EI24: variants seen among roughly 807,000 people sequenced by gnomAD.
The protein encoded by EI24 is EI24 autophagy associated transmembrane protein.
Under a neutral mutation model 48.6 loss-of-function variants are expected in EI24, and 21 were observed. The observed-to-expected ratio is 0.43, with a 90% CI of 0.31 to 0.62. The LOEUF (loss-of-function observed/expected upper bound fraction) is 0.62, where lower values mean the gene tolerates loss of function less well. Among genes scored for constraint, EI24 ranks in the 20% least tolerant of loss-of-function variants. The probability of loss-of-function intolerance (pLI) is 0.10; values close to 1 mark genes in which losing one functional copy is unlikely to be tolerated. For missense variants in EI24, 280 were observed against 410.5 expected (o/e 0.68, Z 2.75); for synonymous variants, 114 against 145.5 (o/e 0.78, Z 1.56).
chr11:125,579,489 A>G (rs1938899679), intron 7 of EI24, among the ~76,000 whole-genome samples: 1 of 151,982 alleles, frequency 6.6e-6, no homozygotes, highest in Admixed American at 6.6e-5. Flanking sequence ...AACATGGTGA[A>G]ACCCCATCTC....
rs747081882 is a variant in EI24 at position 125,583,535 on chromosome 11, G to A, written c.875G>A (p.Arg292His). ...TTGCCTTTTAGTCTCTTCCAGTTGC[G>A]CCTCTTCTCCTTGGTGGTCTTCTTA... ...TPGKAYLFQL[R>H]LFSLVVFLSN... The change falls in exon 11 of 11, where the codon CGC (arginine) becomes CAC (histidine). Residue 292 changes from arginine to histidine, a missense_variant. Physicochemically the swap from Arg to His is conservative, Grantham distance 29. Coordinates refer to ENST00000278903, the MANE Select transcript of EI24 (RefSeq NM_004879.5). 1.2e-5 allele frequency: 19 copies of A among 1,592,788 alleles called. No individual in the cohort carries two copies. Among genetic ancestry groups the A allele is most frequent in the Middle Eastern group, 2.1e-4 (1 of 4,712 alleles).
chr11:125,577,119 G>C (rs1217992242), intron 4 of EI24, among the ~76,000 whole-genome samples: 1 of 151,926 alleles, frequency 6.6e-6, no homozygotes, highest in East Asian at 1.9e-4. Context: ...TGAGATGGAG[G>C]CTCGCTCTGT....
chr11:125,578,807 A>AG lies in EI24; in HGVS notation c.442-140dup, dbSNP rs1938864561. 3 of 982,576 alleles carry AG rather than the reference A, an allele frequency of 3.1e-6. No homozygotes were observed. In the African/African-American group the frequency reaches 4.9e-5, roughly 16 times the overall value. The allele number at this position is 982,576 out of a possible 1,614,324, so 60.9% of individuals were successfully genotyped here. On this transcript the variant is annotated intron_variant, in intron 6 of 10. Coordinates refer to ENST00000278903, the MANE Select transcript of EI24 (RefSeq NM_004879.5). Reference sequence around the variant, plus strand: ...TAGCCTCCTGAGTAGCTGGGACTATAGGCACATGCCATCGTGCCCAGCTTA... The same window carrying AG: ...TAGCCTCCTGAGTAGCTGGGACTATAGGGCACATGCCATCGTGCCCAGCTTA...
At chr11:125,577,280 C>T (rs535640013) in intron 4 of EI24, among the ~76,000 whole-genome samples, 38 of 152,222 alleles carry the variant, frequency 2.5e-4, no homozygotes, top group African/African-American at 8.2e-4. Flanking sequence ...TTAGTAGAGA[C>T]GGGGTTTCAC....
chr11:125,580,147 C>T lies in EI24; in HGVS notation c.616C>T (p.Leu206=). 1 of 1,613,928 alleles carries T rather than the reference C, an allele frequency of 6.2e-7. No individual in the cohort carries two copies. The highest frequency in any genetic ancestry group is 8.5e-7 in the Non-Finnish European group (1 of 1,179,812). ...TCTTGTCGGTCAGCTGGTTAGTCTC[C>T]TGCATATGTCCCTTCTCTACTCACT... The part of the protein sequence containing the change: ...IHLVGQLVSL[L]HMSLLYSLYC... Residue 206 remains leucine (L), a synonymous_variant, in exon 8 of 11, where the codon CTG becomes TTG. Transcript: ENST00000278903.
chr11:125,583,459 C>T, intron 10 of EI24, 62 bp from the exon 11 acceptor site: 3 of 1,380,164 alleles, frequency 2.2e-6, no homozygotes, highest in Non-Finnish European at 2.0e-6. Flanking sequence ...GTCAAGTTGT[C>T]AAACAACGGA....
At chr11:125,575,052 C>A (rs1938681811) in intron 2 of EI24, among the ~76,000 whole-genome samples, 1 of 151,994 alleles carries the variant, frequency 6.6e-6, no homozygotes, top group Non-Finnish European at 1.5e-5. Flanking sequence ...ATGGTGAGAT[C>A]CCCATCGCTA....
chr11:125,577,625 C>A, intron 5 of EI24, 55 bp downstream of exon 5: 1 of 1,388,830 alleles, frequency 7.2e-7, no homozygotes, highest in Non-Finnish European at 1.0e-6. Flanking sequence ...GATGATGTTT[C>A]AGTCTCCCTC....
At chr11:125,570,053 C>T (rs1210463357) in intron 1 of EI24, 1 of 152,370 alleles carries the variant, frequency 6.6e-6, no homozygotes, top group Admixed American at 6.5e-5. Flanking sequence ...TCAGCAGATG[C>T]TTATTAGCTT....
Position 125,576,019 on chromosome 11 carries a change from G to C in EI24, c.189-236G>C, listed in dbSNP as rs1938735701. On this transcript the variant is annotated intron_variant, in intron 3 of 10. Transcript: ENST00000278903. The stretch of plus-strand genomic sequence containing the variant: ...TTGGCCAGGCTGGTCTCGAACTCCT[G>C]ACCTCAGTTGATCGCCTACCACGGC... 13 of 509,040 alleles carry C rather than the reference G, an allele frequency of 2.6e-5. No homozygotes were observed. The South Asian group carries it at 2.8e-4, about 11-fold the overall frequency. 31.5% of individuals were successfully genotyped at this position (509,040 alleles called of 1,614,324 possible).
At position 125,578,158 on chromosome 11, in the gene EI24, T is replaced by G; in HGVS notation, c.342T>G (p.Val114=). The stretch of plus-strand genomic sequence containing the variant: ...GTGACCCATCACTACATGGAGATGT[T>G]TGGTCGTGGCTGGAATTCTTCCTCA... ...IIGDPSLHGD[V]WSWLEFFLTS... is the part of the protein sequence containing the mutation. Residue 114 remains valine, a synonymous_variant, in exon 6 of 11, where the codon GTT becomes GTG. Transcript: ENST00000278903. 2 of 1,613,656 alleles carry G rather than the reference T, an allele frequency of 1.2e-6. No individual in the cohort carries two copies. The highest frequency in any genetic ancestry group is 3.3e-5 in the Admixed American group (2 of 60,026).
Position 125,584,118 on chromosome 11 carries a change from G to A in EI24, c.*435G>A, listed in dbSNP as rs1939126932. The A allele has an allele frequency of 5.3e-6, 1 of 188,710 alleles. No individual in the cohort carries two copies. The highest frequency in any genetic ancestry group is 2.4e-5 in the African/African-American group (1 of 41,394). The allele number at this position is 188,710 out of a possible 1,614,324, so 11.7% of individuals were successfully genotyped here. On this transcript the variant is annotated 3_prime_UTR_variant, in exon 11 of 11. Transcript: ENST00000278903. ...TGTTTTTCTGTGAAACACATACATT[G>A]GATATGGGAGGTAAAGGAGTGTCCC...
rs1371935546 is a variant in EI24 at position 125,580,084 on chromosome 11, G to A, written c.562-9G>A. 1 of 1,605,304 alleles carries A rather than the reference G, an allele frequency of 6.2e-7. No individual in the cohort carries two copies. Among genetic ancestry groups the A allele is most frequent in the East Asian group, 2.2e-5 (1 of 44,836 alleles). ...TTTGGGATTAAGATTTTCCATATTT[G>A]TTCTTCAGGGAATGTTTGTGAGTCT... On this transcript the variant is annotated splice_polypyrimidine_tract_variant and intron_variant, in intron 7 of 10. Transcript: ENST00000278903.
intron 4 of EI24, among the ~76,000 whole-genome samples, chr11:125,577,215 C>A (rs1173096021): frequency 6.6e-6 from 1 of 152,184 alleles, no homozygotes; most frequent in African/African-American, 2.4e-5. Flanking sequence ...CCTCAGCCTT[C>A]CCAGTAGCTG....
intron 6 of EI24, among the ~76,000 whole-genome samples, chr11:125,578,459 G>A (rs1455448300): frequency 6.8e-6 from 1 of 147,408 alleles, no homozygotes; most frequent in African/African-American, 2.5e-5. Context: ...GGTGTCTGGT[G>A]CCTTTTCTTT....
chr11:125,575,676 G>A (rs184893245), intron 3 of EI24: 1 of 263,486 alleles, frequency 3.8e-6, no homozygotes, highest in Admixed American at 4.6e-5. Context: ...GTGGATTTAT[G>A]TATTAATAGA....
intron 1 of EI24, among the ~76,000 whole-genome samples, chr11:125,571,647 T>G (rs1938536462): frequency 6.6e-6 from 1 of 152,092 alleles, no homozygotes; most frequent in South Asian, 2.1e-4. Flanking sequence ...GAGGCTGAGA[T>G]GGATGGATCA....
intron 6 of EI24, 107 bp downstream of exon 6, chr11:125,578,364 G>C: frequency 2.1e-6 from 3 of 1,455,900 alleles, no homozygotes; most frequent in Non-Finnish European, 2.8e-6. Flanking sequence ...CTGTTTTTCA[G>C]CCTTAATGTT....
chr11:125,582,483 T>G, intron 10 of EI24, 63 bp downstream of exon 10: 1 of 1,251,644 alleles, frequency 8.0e-7, no homozygotes, highest in Non-Finnish European at 1.1e-6. Context: ...ACACCAGTTA[T>G]GTCAGTGAGG....
Sources: allele counts gnomAD v4.1 joint callset (sites outside exome capture counted in the v4.1 genomes callset), GRCh38; gene constraint gnomAD v4.1.1; transcripts MANE v1.5; gene names NCBI Gene and HGNC (gene_info 2026-07-23, HGNC 2026-07-21).